The following TIAM1 variants were observed in gnomAD, a reference collection of about 807,000 sequenced individuals.
The protein encoded by TIAM1 is rho guanine nucleotide exchange factor TIAM1.
A neutral mutation model predicts 163.5 loss-of-function variants in TIAM1; 65 were observed. That is an observed-to-expected ratio of 0.40 (90% CI 0.33 to 0.49). The LOEUF (loss-of-function observed/expected upper bound fraction) is 0.49, where lower values mean the gene tolerates loss of function less well. Among genes scored for constraint, TIAM1 ranks in the 20% least tolerant of loss-of-function variants. TIAM1 has a pLI of 0.77. For synonymous variants in TIAM1, 833 were observed against 810.1 expected (o/e 1.03, Z -0.48); for missense variants, 1,789 against 2,044.7 (o/e 0.87, Z 2.41).
chr21:31,489,510 G>A (rs1292602228), intron 1 of TIAM1, among the ~76,000 whole-genome samples: 1 of 121,980 alleles, frequency 8.2e-6, no homozygotes. Context: ...AGGGAGACAG[G>A]GAGGGAAGGA....
chr21:31,134,343 G>T (rs1048186887), intron 23 of TIAM1, among the ~76,000 whole-genome samples: 11 of 151,976 alleles, frequency 7.2e-5, no homozygotes, highest in Admixed American at 4.6e-4. Flanking sequence ...CCTCCAAGAA[G>T]AAATCACTAT....
chr21:31,227,837 G>A (rs1304869236), intron 6 of TIAM1, among the ~76,000 whole-genome samples: 2 of 152,124 alleles, frequency 1.3e-5, no homozygotes, highest in African/African-American at 4.8e-5. Context: ...CTGATGTACT[G>A]TACAAAGCTT....
In TIAM1 at chr21:31,266,334, C is replaced by A. The variant is rs745482555; in HGVS notation, c.639G>T (p.Gly213=). The A allele has an allele frequency of 1.2e-6, 2 of 1,614,216 alleles. No homozygotes were observed. The highest frequency in any genetic ancestry group is 1.7e-6 in the Non-Finnish European group (2 of 1,180,046). Residue 213 remains glycine, a synonymous_variant, in exon 4 of 28, where the codon GGG becomes GGT. Transcript: ENST00000541036. ...GCCGCGGACTCGCCCGCGTTTCCAT[C>A]CCCCGAGCCTCCTCGCAGTCCTTCT... is the stretch of plus-strand genomic sequence containing the variant. The part of the protein sequence containing the change: ...AEEKDCEEAR[G]METRASPRQL...
chr21:31,207,184 C>G (rs549569501), intron 11 of TIAM1, among the ~76,000 whole-genome samples: 8 of 152,206 alleles, frequency 5.3e-5, no homozygotes, highest in Non-Finnish European at 7.3e-5. Flanking sequence ...CCAAAACCTA[C>G]AGGGCAACAT....
intron 1 of TIAM1, among the ~76,000 whole-genome samples, chr21:31,538,931 C>A (rs78207730): frequency 0.058 from 8,768 of 152,240 alleles, 469 homozygotes; most frequent in Admixed American, 0.15. Context: ...TACCATGCCT[C>A]CCGTAATGGA....
intron 2 of TIAM1, among the ~76,000 whole-genome samples, chr21:31,314,262 T>C (rs2146999487): frequency 6.6e-6 from 1 of 152,300 alleles, no homozygotes; most frequent in Admixed American, 6.5e-5. Context: ...TTTTAAGTTT[T>C]ACTATCACAG....
At chr21:31,185,404 A>G (rs528975785) in intron 14 of TIAM1, among the ~76,000 whole-genome samples, 1 of 138,148 alleles carries the variant, frequency 7.2e-6, no homozygotes, top group East Asian at 2.0e-4. Context: ...ATTATGCTAT[A>G]TAATTATATA....
intron 1 of TIAM1, among the ~76,000 whole-genome samples, chr21:31,515,727 A>G (rs1339244887): frequency 6.6e-6 from 1 of 152,106 alleles, no homozygotes; most frequent in African/African-American, 2.4e-5. Flanking sequence ...ATAAAGCCAG[A>G]CTCGGTCAGA....
At chr21:31,260,920 T>A (rs1237319811) in intron 4 of TIAM1, among the ~76,000 whole-genome samples, 1 of 152,214 alleles carries the variant, frequency 6.6e-6, no homozygotes, top group Non-Finnish European at 1.5e-5. Flanking sequence ...ACATTTTTCA[T>A]CTGATTCTCA....
chr21:31,277,566 AC>A (rs1173990145), intron 2 of TIAM1, among the ~76,000 whole-genome samples: 2 of 152,172 alleles, frequency 1.3e-5, no homozygotes, highest in African/African-American at 4.8e-5. Context: ...AATCGCTGGA[AC>A]CCGGGAGGTG....
intron 2 of TIAM1, chr21:31,452,878 C>A: frequency 1.9e-6 from 1 of 516,442 alleles, no homozygotes; most frequent in South Asian, 1.4e-5. Context: ...GCAGTGCAGT[C>A]TTTTTGGTAT....
In TIAM1 at chr21:31,514,185, A is replaced by T. The variant is rs527784811; in HGVS notation, c.-422+44742T>A. Among the ~76,000 whole-genome samples, 19 of 152,254 alleles carry T rather than the reference A, an allele frequency of 1.2e-4. No homozygotes were observed. The South Asian group carries it at 3.9e-3, about 32-fold the overall frequency. ...GGTGAAATTAAGAACAGACTCCCTG[A>T]CTTGTAGAATCAAAGATGTTTGCCC... On this transcript the variant is annotated intron_variant, in intron 1 of 28. Coordinates refer to the TIAM1 transcript ENST00000286827.
intron 2 of TIAM1, among the ~76,000 whole-genome samples, chr21:31,323,989 C>T (rs915885666): frequency 7.5e-5 from 11 of 145,764 alleles, no homozygotes; most frequent in African/African-American, 1.0e-4. Flanking sequence ...GCCTGGGCAA[C>T]GGAGCAAGAC....
intron 6 of TIAM1, among the ~76,000 whole-genome samples, chr21:31,228,231 A>AGGAG (rs2088129106): frequency 9.4e-6 from 1 of 106,478 alleles, no homozygotes; most frequent in African/African-American, 9.1e-5. Flanking sequence ...AAAAAAAAAA[A>AGGAG]AAAAAAAAAA....
At chr21:31,263,189 T>C (rs2072575281) in intron 4 of TIAM1, among the ~76,000 whole-genome samples, 1 of 152,232 alleles carries the variant, frequency 6.6e-6, no homozygotes, top group South Asian at 2.1e-4. Flanking sequence ...CCGTGCATTT[T>C]ATACGCTCCA....
rs71191194 is a variant in TIAM1 at position 31,210,582 on chromosome 21, GAAAGAAAGAA to G, written c.2218-377_2218-368del. On this transcript the variant is annotated intron_variant, in intron 10 of 27. Transcript: ENST00000541036. ...AGAAAGAAAGAAAGAAAGAAAGAAA[GAAAGAAAGAA>G]AGAGAGAAAGAAGGAAGGAAGGGAG... 3.2e-3 allele frequency among the ~76,000 whole-genome samples: 379 copies of G among 118,036 alleles called. 2 individuals carry two copies. Among genetic ancestry groups the G allele is most frequent in the East Asian group, 5.1e-3 (18 of 3,546 alleles). 77.4% of individuals were successfully genotyped at this position (118,036 alleles called of 152,430 possible).
intron 2 of TIAM1, among the ~76,000 whole-genome samples, chr21:31,358,727 T>C (rs936636315): frequency 6.6e-6 from 1 of 152,102 alleles, no homozygotes; most frequent in African/African-American, 2.4e-5. Context: ...GAGCCACCAT[T>C]CTCTACTAGA....
intron 12 of TIAM1, among the ~76,000 whole-genome samples, chr21:31,198,859 C>T (rs1283689539): frequency 1.3e-5 from 2 of 152,154 alleles, no homozygotes; most frequent in Non-Finnish European, 2.9e-5. Context: ...AAGACAGGCC[C>T]GCTGGCCACA....
intron 2 of TIAM1, among the ~76,000 whole-genome samples, chr21:31,453,570 G>C (rs2044960437): frequency 6.6e-6 from 1 of 152,080 alleles, no homozygotes; most frequent in Admixed American, 6.6e-5. Context: ...GCGCACGCCT[G>C]TAGTCCCAGC....
Sources: allele counts gnomAD v4.1 joint callset (sites outside exome capture counted in the v4.1 genomes callset), GRCh38; gene constraint gnomAD v4.1.1; transcripts MANE v1.5; gene names NCBI Gene and HGNC (gene_info 2026-07-23, HGNC 2026-07-21).